The following RYR2 variants were observed in gnomAD, a reference collection of about 807,000 sequenced individuals.
RYR2 encodes ryanodine receptor 2.
In RYR2, 227 loss-of-function variants were observed where a neutral mutation model predicts 601.1. The ratio of observed to expected loss-of-function variants is 0.38; its 90% CI spans 0.34 to 0.42. The LOEUF (loss-of-function observed/expected upper bound fraction) is 0.42. Among genes scored for constraint, RYR2 ranks in the 10% least tolerant of loss-of-function variants. The pLI, the probability that RYR2 is intolerant of heterozygous loss-of-function variation, is 1.00. For missense variants in RYR2, 4,646 were observed against 6,156.5 expected, an observed-to-expected ratio of 0.75 and a Z score of 8.21; for synonymous variants, 2,223 against 2,175.1, an observed-to-expected ratio of 1.02 and a Z score of -0.61.
intron 1 of RYR2, among the ~76,000 whole-genome samples, chr1:237,203,442 T>C (rs2149055872): frequency 6.6e-6 from 1 of 152,300 alleles, no homozygotes; most frequent in East Asian, 1.9e-4. Context: ...ATATATTGGA[T>C]CATTATTTTG....
chr1:237,148,553 T>C (rs12562795), intron 1 of RYR2, among the ~76,000 whole-genome samples: 4,021 of 105,598 alleles, frequency 0.038, 216 homozygotes, highest in South Asian at 0.12. Context: ...TATATATATA[T>C]ACACACACAC....
chr1:237,382,881 G>A (rs1227482866), intron 8 of RYR2, among the ~76,000 whole-genome samples: 2 of 150,316 alleles, frequency 1.3e-5, no homozygotes, highest in Non-Finnish European at 3.0e-5. Flanking sequence ...CATTTGGAAA[G>A]AACATCTATT....
chr1:237,646,143 CT>C (rs892808143), intron 48 of RYR2, among the ~76,000 whole-genome samples: 10 of 152,212 alleles, frequency 6.6e-5, no homozygotes, highest in African/African-American at 2.4e-4. Context: ...TCCCAAAGTG[CT>C]GGGATTACAG....
At chr1:237,728,348 A>G (rs1490882182) in intron 76 of RYR2, among the ~76,000 whole-genome samples, 1 of 152,134 alleles carries the variant, frequency 6.6e-6, no homozygotes, top group East Asian at 1.9e-4. Flanking sequence ...TGACTCAATT[A>G]TGCTGTCACC....
chr1:237,046,461 G>A lies in RYR2; in HGVS notation c.48+3892G>A, dbSNP rs115144073. Reference sequence around the variant, plus strand: ...AAGATGGAATGAGCAGTGGAAATTCGCACTTTTTGCTCCCTTCATAATGAA... The same window carrying A: ...AAGATGGAATGAGCAGTGGAAATTCACACTTTTTGCTCCCTTCATAATGAA... On this transcript the variant is annotated intron_variant, in intron 1 of 104. Transcript: ENST00000366574. Among the ~76,000 whole-genome samples the A allele has an allele frequency of 6.5e-3, 990 of 152,278 alleles. 10 individuals carry two copies. The highest frequency in any genetic ancestry group is 0.022 in the African/African-American group (920 of 41,556).
intron 91 of RYR2, among the ~76,000 whole-genome samples, chr1:237,786,667 C>T (rs1657617842): frequency 1.3e-5 from 2 of 152,216 alleles, no homozygotes; most frequent in Admixed American, 1.3e-4. Flanking sequence ...CCTCATAACA[C>T]CAGGTTTCTC....
intron 87 of RYR2, among the ~76,000 whole-genome samples, chr1:237,777,871 A>G (rs1282127290): frequency 6.6e-6 from 1 of 152,242 alleles, no homozygotes; most frequent in Non-Finnish European, 1.5e-5. Flanking sequence ...CGTTCCTGGA[A>G]GCAAGACAAG....
intron 16 of RYR2, among the ~76,000 whole-genome samples, chr1:237,461,186 A>T (rs1659443160): frequency 6.6e-6 from 1 of 152,294 alleles, no homozygotes; most frequent in East Asian, 1.9e-4. Context: ...CAAATTTTAT[A>T]TTCTATTATT....
At chr1:237,746,527 C>T (rs1466415510) in intron 80 of RYR2, among the ~76,000 whole-genome samples, 1 of 152,080 alleles carries the variant, frequency 6.6e-6, no homozygotes, top group Non-Finnish European at 1.5e-5. Context: ...CTCTTTTCTT[C>T]TTCCATCATA....
chr1:237,539,992 T>C (rs1669078737), intron 25 of RYR2, among the ~76,000 whole-genome samples: 1 of 152,202 alleles, frequency 6.6e-6, no homozygotes, highest in Admixed American at 6.5e-5. Context: ...TTTTGAAGAA[T>C]GGATGATTCG....
chr1:237,050,460 A>T (rs1359041968), intron 1 of RYR2, among the ~76,000 whole-genome samples: 1 of 152,218 alleles, frequency 6.6e-6, no homozygotes. Context: ...AGGCCCACAC[A>T]TCTCATCACC....
At chr1:237,401,940 G>A (rs1464868703) in intron 10 of RYR2, among the ~76,000 whole-genome samples, 1 of 152,142 alleles carries the variant, frequency 6.6e-6, no homozygotes, top group African/African-American at 2.4e-5. Context: ...TTCCAAGGGT[G>A]TACTGTCTTC....
At chr1:237,444,827 T>C (rs953405667) in intron 13 of RYR2, among the ~76,000 whole-genome samples, 1 of 152,230 alleles carries the variant, frequency 6.6e-6, no homozygotes, top group African/African-American at 2.4e-5. Context: ...AAAAGAAATA[T>C]ATGTATACAT....
intron 29 of RYR2, among the ~76,000 whole-genome samples, chr1:237,588,591 G>A (rs1264434823): frequency 5.3e-5 from 8 of 152,250 alleles, no homozygotes; most frequent in Non-Finnish European, 1.0e-4. Flanking sequence ...CCAGCACTTC[G>A]GGAGGCCAAG....
At chr1:237,263,096 A>G (rs1277066381) in intron 1 of RYR2, among the ~76,000 whole-genome samples, 1 of 152,170 alleles carries the variant, frequency 6.6e-6, no homozygotes, top group Non-Finnish European at 1.5e-5. Context: ...CTTATGATAC[A>G]TTAAAATTTG....
At chr1:237,193,024 A>G (rs1680144992) in intron 1 of RYR2, among the ~76,000 whole-genome samples, 1 of 152,010 alleles carries the variant, frequency 6.6e-6, no homozygotes, top group South Asian at 2.1e-4. Context: ...TCTGCCTTTA[A>G]AAAATATCTT....
chr1:237,445,599 A>G (rs1708259373), intron 14 of RYR2, 77 bp downstream of exon 14: 2 of 1,558,710 alleles, frequency 1.3e-6, no homozygotes, highest in South Asian at 2.3e-5. Context: ...TAGACAATTT[A>G]AAAGTATGCT....
intron 1 of RYR2, among the ~76,000 whole-genome samples, chr1:237,081,419 A>T (rs1482502752): frequency 1.3e-5 from 2 of 151,818 alleles, no homozygotes; most frequent in African/African-American, 4.8e-5. Context: ...CCCACACTTC[A>T]GGGAGGGCCA....
chr1:237,456,778 T>C, intron 16 of RYR2, 43 bp downstream of exon 16: 1 of 1,606,098 alleles, frequency 6.2e-7, no homozygotes, highest in Non-Finnish European at 8.5e-7. Context: ...GTTATCTATT[T>C]AAAATGTCCA....
Sources: gnomAD v4.1 joint callset for allele counts (sites outside exome capture counted in the v4.1 genomes callset) on GRCh38, gnomAD v4.1.1 for gene constraint, MANE v1.5 for transcripts, NCBI Gene and HGNC (gene_info 2026-07-23, HGNC 2026-07-21) for gene names.